The following CLIP2 variants were observed in gnomAD, a reference collection of about 807,000 sequenced individuals.
The protein encoded by CLIP2 is CAP-Gly domain-containing linker protein 2.
Under a neutral mutation model 111.7 loss-of-function variants are expected in CLIP2, and 41 were observed. The ratio of observed to expected loss-of-function variants is 0.37; its 90% confidence interval spans 0.29 to 0.48. CLIP2 has a LOEUF of 0.48. Among genes scored for constraint, CLIP2 ranks in the 20% least tolerant of loss-of-function variants. CLIP2 has a pLI of 0.99. For missense variants in CLIP2, 1,160 were observed against 1,422.1 expected (o/e 0.82, Z 2.96); for synonymous variants, 660 against 644.2 (o/e 1.02, Z -0.37).
chr7:74,394,966 A>G (rs1236269234), intron 13 of CLIP2, among the ~76,000 whole-genome samples: 1 of 152,124 alleles, frequency 6.6e-6, no homozygotes, highest in Non-Finnish European at 1.5e-5. Context: ...GAGTCTCGAT[A>G]GAACTTTCTG....
chr7:74,346,927 T>G (rs566027284), intron 3 of CLIP2, among the ~76,000 whole-genome samples: 5 of 151,864 alleles, frequency 3.3e-5, no homozygotes, highest in East Asian at 1.9e-4. Flanking sequence ...CAGTCCCAAC[T>G]ACTCAGGAGG....
rs1244031859 is a variant in CLIP2 at position 74,388,519 on chromosome 7, C to T, written c.2564-584C>T. Reference sequence around the variant, plus strand: ...TCTCAAAAAAAAAAAAAAATTTGGCCGGGCACCGCGGCTCACATCTGTATC... The same window carrying T: ...TCTCAAAAAAAAAAAAAAATTTGGCTGGGCACCGCGGCTCACATCTGTATC... On this transcript the variant is annotated intron_variant, in intron 12 of 16. Transcript: ENST00000223398. Among the ~76,000 whole-genome samples the T allele has an allele frequency of 4.0e-5, 6 of 151,704 alleles. No individual in the cohort carries two copies. In the East Asian group the frequency reaches 5.8e-4, roughly 15 times the overall value.
At chr7:74,397,041 A>C in intron 13 of CLIP2, 33 bp from the exon 14 acceptor site, 3 of 1,606,110 alleles carry the variant, frequency 1.9e-6, no homozygotes, top group South Asian at 1.1e-5. Context: ...GCCAGGGCTG[A>C]GTGCAGTGGT....
At chr7:74,307,375 C>T (rs1423305983) in intron 1 of CLIP2, among the ~76,000 whole-genome samples, 1 of 152,192 alleles carries the variant, frequency 6.6e-6, no homozygotes, top group Admixed American at 6.5e-5. Context: ...TTTGAGTCCC[C>T]GAACTTCTCT....
chr7:74,348,980 A>G (rs1256398311), intron 3 of CLIP2, among the ~76,000 whole-genome samples: 1 of 151,838 alleles, frequency 6.6e-6, no homozygotes, highest in Non-Finnish European at 1.5e-5. Flanking sequence ...AACCTCGCCT[A>G]TACAAGAAAA....
In CLIP2 at chr7:74,301,444, G is replaced by A. The variant is rs539148202; in HGVS notation, c.-68+11710G>A. Among the ~76,000 whole-genome samples the A allele has an allele frequency of 8.2e-4, 125 of 152,100 alleles. 1 individual carries two copies. The highest frequency in any genetic ancestry group is 6.9e-4 in the Non-Finnish European group (47 of 68,004). On this transcript the variant is annotated intron_variant, in intron 1 of 16. Coordinates refer to ENST00000223398, the MANE Select transcript of CLIP2 (RefSeq NM_003388.5). ...TGTTGCCAGGCTGCAGTGCAATAGC[G>A]TGATCTCGGCTCACTGCAACCTCCA...
rs1195920278 is a variant in CLIP2, at chr7:74,357,959, G to A, written c.1215+482G>A. Among the ~76,000 whole-genome samples the A allele has an allele frequency of 2.0e-5, 3 of 150,906 alleles. No homozygotes were observed. The East Asian group carries it at 5.9e-4, about 30-fold the overall frequency. On this transcript the variant is annotated intron_variant, in intron 6 of 16. Coordinates refer to ENST00000223398, the MANE Select transcript of CLIP2 (RefSeq NM_003388.5). ...TTTAGTAGAGACGGGGTTTCACCAT[G>A]TTGGTCAGGCTGGTCTCGAACTCCT...
chr7:74,307,273 A>G (rs1554727901), intron 1 of CLIP2, among the ~76,000 whole-genome samples: 1 of 152,276 alleles, frequency 6.6e-6, no homozygotes, highest in Non-Finnish European at 1.5e-5. Flanking sequence ...GGGCTCACAA[A>G]TGTTATTCCA....
chr7:74,367,400 C>T (rs978663454), intron 8 of CLIP2, among the ~76,000 whole-genome samples: 2 of 152,138 alleles, frequency 1.3e-5, no homozygotes, highest in African/African-American at 4.8e-5. Context: ...CCGTGTTAGC[C>T]AGGATGGTCT....
chr7:74,300,338 A>T (rs1435530766), intron 1 of CLIP2, among the ~76,000 whole-genome samples: 3 of 151,872 alleles, frequency 2.0e-5, no homozygotes, highest in African/African-American at 7.3e-5. Flanking sequence ...CTGTATTTTC[A>T]TGTATACCCA....
At chr7:74,342,822 C>T (rs747034862) in intron 3 of CLIP2, among the ~76,000 whole-genome samples, 1 of 152,008 alleles carries the variant, frequency 6.6e-6, no homozygotes, top group Non-Finnish European at 1.5e-5. Context: ...CTGAGGCAGG[C>T]GGATCACGAC....
chr7:74,307,167 G>A (rs1300170540), intron 1 of CLIP2, among the ~76,000 whole-genome samples: 8 of 152,174 alleles, frequency 5.3e-5, no homozygotes, highest in South Asian at 2.1e-4. Context: ...AAGGGTGGCC[G>A]GGCCTGACTG....
At chr7:74,332,688 G>A (rs368252073) in intron 2 of CLIP2, among the ~76,000 whole-genome samples, 1 of 152,120 alleles carries the variant, frequency 6.6e-6, no homozygotes, top group Non-Finnish European at 1.5e-5. Context: ...GCAAGAGGTC[G>A]TGGGAAATAC....
At chr7:74,383,905 C>G (rs1200918504) in intron 11 of CLIP2, among the ~76,000 whole-genome samples, 1 of 152,216 alleles carries the variant, frequency 6.6e-6, no homozygotes, top group Non-Finnish European at 1.5e-5. Context: ...CCATCCTCCT[C>G]TCCCCCCAGC....
chr7:74,401,372 C>A, intron 15 of CLIP2, 133 bp from the exon 16 acceptor site: 1 of 787,890 alleles, frequency 1.3e-6, no homozygotes, highest in Non-Finnish European at 2.1e-6. Flanking sequence ...TTTGGGGGTG[C>A]TGGGAGCCCC....
At chr7:74,398,954 C>T (rs969237005) in intron 14 of CLIP2, among the ~76,000 whole-genome samples, 9 of 152,330 alleles carry the variant, frequency 5.9e-5, no homozygotes, top group Admixed American at 2.6e-4. Context: ...TGGGAAGTGG[C>T]GGCCTCTGCC....
intron 1 of CLIP2, among the ~76,000 whole-genome samples, chr7:74,299,978 T>C (rs1180749308): frequency 2.0e-5 from 3 of 151,788 alleles, no homozygotes; most frequent in Admixed American, 6.6e-5. Flanking sequence ...ATTGCAGGCA[T>C]GAGCCACTCC....
At chr7:74,350,874 A>AAGAT (rs1274187742) in intron 3 of CLIP2, among the ~76,000 whole-genome samples, 1 of 148,160 alleles carries the variant, frequency 6.7e-6, no homozygotes, top group Non-Finnish European at 1.5e-5. Context: ...GAAAGAAAGA[A>AAGAT]AGAGAGAGAG....
intron 1 of CLIP2, among the ~76,000 whole-genome samples, chr7:74,295,882 T>C (rs1788151898): frequency 6.9e-6 from 1 of 145,470 alleles, no homozygotes; most frequent in Non-Finnish European, 1.5e-5. Flanking sequence ...CCAGCTACTC[T>C]GGATGCTGAG....
Sources: allele counts gnomAD v4.1 joint callset (sites outside exome capture counted in the v4.1 genomes callset), GRCh38; gene constraint gnomAD v4.1.1; transcripts MANE v1.5; gene names NCBI Gene and HGNC (gene_info 2026-07-23, HGNC 2026-07-21).